NFKBID: variants seen among roughly 807,000 people sequenced by gnomAD.
NFKBID encodes NFKB inhibitor delta, also known as NF-kappa-B inhibitor delta.
A neutral mutation model predicts 53.4 loss-of-function variants in NFKBID; 26 were observed. The ratio of observed to expected loss-of-function variants is 0.49; its 90% confidence interval spans 0.36 to 0.68. The LOEUF is 0.68. Among genes scored for constraint, NFKBID ranks in the 30% least tolerant of loss-of-function variants. The pLI, the probability that NFKBID is intolerant of heterozygous loss-of-function variation, is 0.00. For synonymous variants in NFKBID, 262 were observed against 259.8 expected (o/e 1.01, Z -0.08); for missense variants, 493 against 614.1 (o/e 0.80, Z 2.08).
At chr19:35,890,450 T>C in exon 10 of NFKBID, 1 of 1,614,080 alleles carries the variant, frequency 6.2e-7, no homozygotes, top group Non-Finnish European at 8.5e-7. Flanking sequence ...GTTGGCAGCC[T>C]GCACGGCCAA....
In NFKBID at chr19:35,897,863, G is replaced by A. The variant is rs1319863974; in HGVS notation, c.227-7C>T. The stretch of plus-strand genomic sequence containing the variant: ...GCTGGGAAGGGAGGGTGGCCTGCGT[G>A]TAAGAGGAGGGGCAGGGGCAGGTCT... On this transcript the variant is annotated splice_region_variant and splice_polypyrimidine_tract_variant and intron_variant, in intron 3 of 11. Transcript: ENST00000641389. 6.5e-7 allele frequency: 1 copy of A among 1,536,468 alleles called. No individual in the cohort carries two copies. Among genetic ancestry groups the A allele is most frequent in the Admixed American group, 2.0e-5 (1 of 51,148 alleles).
intron 9 of NFKBID, among the ~76,000 whole-genome samples, chr19:35,893,341 G>A (rs528429261): frequency 6.6e-6 from 1 of 152,214 alleles, no homozygotes; most frequent in South Asian, 2.1e-4. Flanking sequence ...ACCATTAAGA[G>A]CCTAGATTAC....
chr19:35,900,053 A>C (rs1599630456), intron 1 of NFKBID, among the ~76,000 whole-genome samples: 24 of 40,390 alleles, frequency 5.9e-4, no homozygotes, highest in South Asian at 2.9e-3. Context: ...ACCGAGACCC[A>C]CGCCGATTTT....
chr19:35,894,427 CTGGGTGCAGTGGCTCACAACTGTAA>C (rs1310393561), intron 9 of NFKBID, among the ~76,000 whole-genome samples: 1 of 152,124 alleles, frequency 6.6e-6, no homozygotes, highest in Non-Finnish European at 1.5e-5. Context: ...ATTTTTCAGG[CTGGGTGCAGTGGCTCACAACTGTAA>C]TCCCAGCACT....
Position 35,898,456 on chromosome 19 carries a change from A to G in NFKBID, c.226+16T>C. The G allele has an allele frequency of 6.6e-7, 1 of 1,518,176 alleles. No homozygotes were observed. The highest frequency in any genetic ancestry group is 8.8e-7 in the Non-Finnish European group (1 of 1,131,710). 94.0% of individuals were successfully genotyped at this position (1,518,176 alleles called of 1,614,324 possible). A position where few individuals can be genotyped will look rare whatever the true frequency, so the allele number is the denominator to read the frequency against. ...AGGGAAGGGGGATGGGGAGGCCGGG[A>G]GCTGAGAGAACTTACCAGTCACAGC... On this transcript the variant is annotated intron_variant, in intron 3 of 11. Coordinates refer to ENST00000641389, the Ensembl canonical transcript of NFKBID.
chr19:35,896,598 C>CCCA lies in NFKBID; in HGVS notation c.685-61_685-60insTGG. The CCCA allele has an allele frequency of 1.9e-6, 3 of 1,588,540 alleles. No individual in the cohort carries two copies. The highest frequency in any genetic ancestry group is 2.6e-6 in the Non-Finnish European group (3 of 1,159,952). On this transcript the variant is annotated intron_variant, in intron 6 of 11. Transcript: ENST00000641389. This position sits in a 1 kb window ranked among gnomAD's most constrained non-coding sequence, Gnocchi z 5.7. ...GGTTCCCTCCCGTCAGAAAACCAGG[C>CCCA]TCCCAGCCCCATCCCCCCTCAGCCC...
chr19:35,896,294 C>T lies in NFKBID; in HGVS notation c.832-25G>A. ...CCTGGGAGGAAGAGAAGGCAGACTG[C>T]TGGGTAAGGGTATCCCCTGGCCTCC... On this transcript the variant is annotated intron_variant, in intron 7 of 11. Coordinates refer to ENST00000641389, the Ensembl canonical transcript of NFKBID. This position sits in a 1 kb window ranked among gnomAD's most constrained non-coding sequence, Gnocchi z 5.7. 1 of 1,614,152 alleles carries T rather than the reference C, an allele frequency of 6.2e-7. No individual in the cohort carries two copies.
rs538635097 is a variant in NFKBID at position 35,889,197 on chromosome 19, A to AC, written c.1315-586_1315-585insG. On this transcript the variant is annotated intron_variant, in intron 11 of 11. Transcript: ENST00000641389. ...GTGACCCCATCTCTTAAAAAAAAAA[A>AC]AAAACAAAATTAGCTGGGTGTGGTG... 1.4e-3 allele frequency among the ~76,000 whole-genome samples: 208 copies of AC among 151,438 alleles called. 1 individual carries two copies. The highest frequency in any genetic ancestry group is 4.9e-3 in the African/African-American group (203 of 41,140).
Position 35,892,506 on chromosome 19 carries a change from T to G in NFKBID, c.1033-2016A>C, listed in dbSNP as rs138110997. ...TTGCAGTGAACCAAGACTGTGCCAC[T>G]GCACTCCAACCTGGGCGACAGAGCG... On this transcript the variant is annotated intron_variant, in intron 9 of 11. Coordinates refer to ENST00000641389, the Ensembl canonical transcript of NFKBID. Among the ~76,000 whole-genome samples the G allele has an allele frequency of 4.8e-3, 718 of 149,544 alleles. 9 individuals are homozygous for G. Among genetic ancestry groups the G allele is most frequent in the African/African-American group, 0.017 (689 of 40,426 alleles).
chr19:35,900,354 G>A (rs913906804), intron 1 of NFKBID, 88 bp downstream of exon 1: 3 of 1,020,324 alleles, frequency 2.9e-6, no homozygotes, highest in Admixed American at 8.5e-5. Context: ...TGACGCTTCA[G>A]CTCCGTCCCT....
chr19:35,890,601 C>T (rs1166064330), intron 9 of NFKBID, 111 bp from the exon 10 acceptor site: 4 of 799,598 alleles, frequency 5.0e-6, no homozygotes, highest in African/African-American at 1.7e-5. Flanking sequence ...CGGTGGTTCA[C>T]GCCTGTAATC....
intron 3 of NFKBID, 105 bp from the exon 4 acceptor site, chr19:35,897,961 C>T (rs999409588): frequency 1.1e-5 from 8 of 751,180 alleles, no homozygotes; most frequent in Non-Finnish European, 1.7e-5. Context: ...AGAGTTAGTA[C>T]TTCTGGGACA....
At chr19:35,889,782 C>A (rs895491398) in intron 11 of NFKBID, 108 bp downstream of exon 11, 1 of 1,202,232 alleles carries the variant, frequency 8.3e-7, no homozygotes, top group African/African-American at 1.5e-5. Flanking sequence ...AGTCACCTTC[C>A]GAGATTAGAA....
exon 4 of NFKBID, chr19:35,897,661 T>C (rs1975276100): frequency 6.4e-7 from 1 of 1,573,238 alleles, no homozygotes; most frequent in South Asian, 1.1e-5. Context: ...CTCCATGCCC[T>C]GGGGAAATGG....
intron 9 of NFKBID, among the ~76,000 whole-genome samples, chr19:35,892,980 C>T (rs908930607): frequency 6.6e-6 from 1 of 152,110 alleles, no homozygotes; most frequent in Non-Finnish European, 1.5e-5. Context: ...GCCTGGGCAA[C>T]ATAGTGAGAC....
chr19:35,891,813 G>A lies in NFKBID; in HGVS notation c.1033-1323C>T, dbSNP rs576068425. 3.9e-5 allele frequency among the ~76,000 whole-genome samples: 6 copies of A among 151,998 alleles called. No individual in the cohort carries two copies. The South Asian group carries it at 1.2e-3, about 32-fold the overall frequency. ...ACCCGGGAGGCAGAGGTTGCAGTGA[G>A]CCAAAATCACACCATTGCAATCCAG... is the stretch of plus-strand genomic sequence containing the variant. On this transcript the variant is annotated intron_variant, in intron 9 of 11. Transcript: ENST00000641389.
intron 10 of NFKBID, 141 bp from the exon 11 acceptor site, chr19:35,890,195 A>G (rs1974661009): frequency 1.7e-5 from 16 of 933,882 alleles, no homozygotes; most frequent in Non-Finnish European, 2.4e-5. Context: ...GCCACGCTGC[A>G]TGCATCCCTG....
chr19:35,889,826 G>T lies in NFKBID; in HGVS notation c.1314+64C>A. 2.7e-6 allele frequency: 4 copies of T among 1,475,380 alleles called. No individual in the cohort carries two copies. In the South Asian group the frequency reaches 5.0e-5, roughly 18 times the overall value. 91.4% of individuals were successfully genotyped at this position (1,475,380 alleles called of 1,614,324 possible). Reference sequence around the variant, plus strand: ...CTGAAAGCGAGCATTGGGTGGGGCAGGGAGGTCATCCCGCGCCCGCGAGCT... The same window carrying T: ...CTGAAAGCGAGCATTGGGTGGGGCATGGAGGTCATCCCGCGCCCGCGAGCT... On this transcript the variant is annotated intron_variant, in intron 11 of 11. Coordinates refer to ENST00000641389, the Ensembl canonical transcript of NFKBID.
intron 1 of NFKBID, among the ~76,000 whole-genome samples, chr19:35,899,541 C>CAG (rs981008584): frequency 8.4e-6 from 1 of 118,436 alleles, no homozygotes; most frequent in Non-Finnish European, 1.6e-5. Context: ...GCCTGGGCGA[C>CAG]AGAGAGAGAC....
Sources: allele counts gnomAD v4.1 joint callset (sites outside exome capture counted in the v4.1 genomes callset), GRCh38; gene constraint gnomAD v4.1.1; non-coding constraint Gnocchi (gnomAD v3.1); transcripts MANE v1.5; gene names NCBI Gene and HGNC (gene_info 2026-07-23, HGNC 2026-07-21).